Variants in GRID2IP observed in about 807,000 individuals in gnomAD.
GRID2IP encodes delphilin.
In GRID2IP, 78 loss-of-function variants were observed where a neutral mutation model predicts 114.3. That is an observed-to-expected ratio of 0.68 (90% CI 0.57 to 0.82). GRID2IP has a LOEUF of 0.82. GRID2IP is among the 40% of genes least tolerant of loss of function. The pLI, the probability that GRID2IP is intolerant of heterozygous loss-of-function variation, is 0.00. For missense variants in GRID2IP, 1,727 were observed against 1,678.5 expected (o/e 1.03, Z -0.51); for synonymous variants, 809 against 724.0 (o/e 1.12, Z -1.89).
chr7:6,510,932 C>T lies in GRID2IP; in HGVS notation c.1531G>A (p.Gly511Ser). The T allele has an allele frequency of 6.5e-7, 1 of 1,549,690 alleles. No individual in the cohort carries two copies. The highest frequency in any genetic ancestry group is 8.7e-7 in the Non-Finnish European group (1 of 1,145,974). The part of the protein sequence containing the change: ...SMCRRSLRSQ[G>S]LEAGLSCGPS... Reference sequence around the variant, plus strand: ...CCGCAGCTGAGGCCGGCCTCCAGGCCCTGGGACCGGAGGCTGCGGCGGCAC... The same window carrying T: ...CCGCAGCTGAGGCCGGCCTCCAGGCTCTGGGACCGGAGGCTGCGGCGGCAC... Residue 511 changes from glycine to serine, a missense_variant, in exon 9 of 22, where the codon GGC becomes AGC. Coordinates refer to ENST00000457091, the MANE Select transcript of GRID2IP (RefSeq NM_001145118.2).
rs554668110 is a variant in GRID2IP, at chr7:6,526,068, C to G, written c.919+156G>C. ...ATTCAGATCTGCTGGCTCTGGGACA[C>G]TCTGGGGACACGGTCTACACAAGGA... is the stretch of plus-strand genomic sequence containing the variant. On this transcript the variant is annotated intron_variant, in intron 4 of 21. Transcript: ENST00000457091. The surrounding 1 kb of genome is among the most constrained non-coding windows in gnomAD (Gnocchi z 7.6). Among the ~76,000 whole-genome samples the G allele has an allele frequency of 2.0e-5, 3 of 152,192 alleles. No individual in the cohort carries two copies. Among genetic ancestry groups the G allele is most frequent in the South Asian group, 4.1e-4 (2 of 4,822 alleles).
Position 6,506,976 on chromosome 7 carries a change from C to A in GRID2IP, c.2544+1009G>T, listed in dbSNP as rs747648682. 1.1e-4 allele frequency among the ~76,000 whole-genome samples: 16 copies of A among 152,152 alleles called. No homozygotes were observed. The highest frequency in any genetic ancestry group is 2.4e-4 in the Non-Finnish European group (16 of 68,036). ...GGGATTACAGGCGTGAACCACCAAG[C>A]CTGGCCTCAATGGGCATCTTTATTA... On this transcript the variant is annotated intron_variant, in intron 13 of 21. Coordinates refer to ENST00000457091, the MANE Select transcript of GRID2IP (RefSeq NM_001145118.2). The surrounding 1 kb of genome is among the most constrained non-coding windows in gnomAD (Gnocchi z 5.2).
chr7:6,508,885 AG>A lies in GRID2IP; in HGVS notation c.2127+72del. 6.7e-7 allele frequency: 1 copy of A among 1,493,166 alleles called. No individual in the cohort carries two copies. The highest frequency in any genetic ancestry group is 2.1e-5 in the Admixed American group (1 of 46,916). 92.5% of individuals were successfully genotyped at this position (1,493,166 alleles called of 1,614,324 possible). On this transcript the variant is annotated intron_variant, in intron 12 of 21. Coordinates refer to ENST00000457091, the MANE Select transcript of GRID2IP (RefSeq NM_001145118.2). This position sits in a 1 kb window ranked among gnomAD's most constrained non-coding sequence, Gnocchi z 5.6. ...GGCAGCAGGCCCCTTGCGGGAGCCC[AG>A]GAACACTGTTGCCTTGCAGACCGCC...
chr7:6,511,884 C>A (rs1276304801), intron 8 of GRID2IP, among the ~76,000 whole-genome samples: 1 of 151,820 alleles, frequency 6.6e-6, no homozygotes, highest in African/African-American at 2.4e-5. Flanking sequence ...CTCTTTCTCT[C>A]TTTTCTCTCT....
chr7:6,504,722 G>A (rs933402652), intron 15 of GRID2IP, 71 bp downstream of exon 15: 6 of 1,173,952 alleles, frequency 5.1e-6, no homozygotes, highest in Middle Eastern at 2.0e-4. Context: ...CATCCACCTG[G>A]GCAGGTCTGA....
In GRID2IP at chr7:6,526,494, C is replaced by T; in HGVS notation, c.833+27G>A. On this transcript the variant is annotated intron_variant, in intron 3 of 21. Coordinates refer to ENST00000457091, the MANE Select transcript of GRID2IP (RefSeq NM_001145118.2). This position sits in a 1 kb window ranked among gnomAD's most constrained non-coding sequence, Gnocchi z 7.6. ...GAGCCCACCCGCAGGGAGGCGCCCG[C>T]TGCCAGTGCCTGTGAGCCCCGCGTA... The T allele has an allele frequency of 1.5e-6, 2 of 1,368,060 alleles. No homozygotes were observed. Among genetic ancestry groups the T allele is most frequent in the Admixed American group, 3.1e-5 (1 of 32,226 alleles). 84.7% of individuals were successfully genotyped at this position (1,368,060 alleles called of 1,614,324 possible).
chr7:6,537,248 A>G (rs1779741290), intron 2 of GRID2IP, among the ~76,000 whole-genome samples: 1 of 151,956 alleles, frequency 6.6e-6, no homozygotes, highest in African/African-American at 2.4e-5. Flanking sequence ...CTTCTGACAA[A>G]TAAACTGAGA....
chr7:6,524,940 G>A (rs749918387), intron 4 of GRID2IP, among the ~76,000 whole-genome samples: 10 of 151,516 alleles, frequency 6.6e-5, no homozygotes, highest in Non-Finnish European at 1.5e-4. Flanking sequence ...GGATGGTCTC[G>A]ATCTCCTGAC....
chr7:6,526,597 G>T lies in GRID2IP; in HGVS notation c.757C>A (p.Arg253Ser). The change falls in exon 3 of 22, where the codon CGC (arginine) becomes AGC (serine). Residue 253 changes from arginine (R) to serine (S), a missense_variant. Coordinates refer to ENST00000457091, the MANE Select transcript of GRID2IP (RefSeq NM_001145118.2). The surrounding 1 kb of genome is among the most constrained non-coding windows in gnomAD (Gnocchi z 7.6). The part of the protein sequence containing the change: ...LVSTRASAPP[R>S]RPDEPPPRRA... ...CGCGGGGGCGGCTCATCGGGGCGGCGCGGCGGGGCGCTGGCGCGCGTGGAC... is the reference window on the plus strand; with the variant it reads ...CGCGGGGGCGGCTCATCGGGGCGGCTCGGCGGGGCGCTGGCGCGCGTGGAC... 4.2e-6 allele frequency: 5 copies of T among 1,191,298 alleles called. No individual in the cohort carries two copies. The highest frequency in any genetic ancestry group is 5.2e-6 in the Non-Finnish European group (5 of 962,890). 73.8% of individuals were successfully genotyped at this position (1,191,298 alleles called of 1,614,324 possible). A position where few individuals can be genotyped will look rare whatever the true frequency, so the allele number is the denominator to read the frequency against.
intron 7 of GRID2IP, among the ~76,000 whole-genome samples, 154 bp from the exon 8 acceptor site, chr7:6,514,683 G>A (rs1013724515): frequency 2.6e-5 from 4 of 152,120 alleles, no homozygotes; most frequent in Non-Finnish European, 5.9e-5. Context: ...CGGGCACAGT[G>A]GCTCACGCCT....
intron 2 of GRID2IP, among the ~76,000 whole-genome samples, chr7:6,529,959 CTCTTT>C (rs1374053960): frequency 1.4e-5 from 1 of 71,098 alleles, no homozygotes. Context: ...CTCTCTCTCT[CTCTTT>C]TTTTTTTTTT....
chr7:6,545,768 G>A (rs554492850), intron 1 of GRID2IP, among the ~76,000 whole-genome samples: 44 of 152,304 alleles, frequency 2.9e-4, no homozygotes, highest in African/African-American at 9.6e-4. Flanking sequence ...AAGCAGCCTT[G>A]CATTGCACTT....
Position 6,520,571 on chromosome 7 carries a change from C to T in GRID2IP, c.1268+7G>A, listed in dbSNP as rs768479293. 12 of 1,548,618 alleles carry T rather than the reference C, an allele frequency of 7.7e-6. No individual in the cohort carries two copies. The highest frequency in any genetic ancestry group is 5.9e-5 in the Admixed American group (3 of 50,922). On this transcript the variant is annotated splice_region_variant and intron_variant, in intron 7 of 21. Transcript: ENST00000457091. The surrounding 1 kb of genome is among the most constrained non-coding windows in gnomAD (Gnocchi z 4.6). ...GCAGGGCCCCACCGCGGCTTTGGCC[C>T]GGCCACCTGTGCTGGAAGAAGCTCT...
rs982719300 is a variant in GRID2IP at position 6,502,904 on chromosome 7, T to C, written c.3064-32A>G. On this transcript the variant is annotated intron_variant, in intron 17 of 21. Coordinates refer to ENST00000457091, the MANE Select transcript of GRID2IP (RefSeq NM_001145118.2). ...ACAAGAAGGTGGGTAGGTCCTGTCC[T>C]CACCCCACCACCCATCCACCCTGCT... is the stretch of plus-strand genomic sequence containing the variant. The C allele has an allele frequency of 1.7e-5, 26 of 1,538,832 alleles. No individual in the cohort carries two copies. The African/African-American group carries it at 2.9e-4, about 17-fold the overall frequency.
Position 6,497,260 on chromosome 7 carries a change from T to A in GRID2IP, c.*514A>T, listed in dbSNP as rs1242832794. Among the ~76,000 whole-genome samples the A allele has an allele frequency of 6.6e-6, 1 of 152,218 alleles. No individual in the cohort carries two copies. Among genetic ancestry groups the A allele is most frequent in the Admixed American group, 6.5e-5 (1 of 15,284 alleles). ...CGTCTCTCCCAGGCTTCTCTCTTCC[T>A]GTGTCCCTGAAGCCAGCTTCCAAGG... On this transcript the variant is annotated 3_prime_UTR_variant, in exon 22 of 22. Transcript: ENST00000457091.
At chr7:6,538,546 G>A (rs1203064669) in intron 2 of GRID2IP, among the ~76,000 whole-genome samples, 3 of 150,354 alleles carry the variant, frequency 2.0e-5, no homozygotes. Flanking sequence ...CTGCCTGGGC[G>A]ACAGAGCGAG....
Position 6,509,237 on chromosome 7 carries a change from C to G in GRID2IP, c.1848G>C (p.Ser616=). 6.6e-7 allele frequency: 1 copy of G among 1,518,374 alleles called. No individual in the cohort carries two copies. The highest frequency in any genetic ancestry group is 8.8e-7 in the Non-Finnish European group (1 of 1,130,774). The allele number at this position is 1,518,374 out of a possible 1,614,324, so 94.1% of individuals were successfully genotyped here. The change falls in exon 12 of 22, where the codon TCG becomes TCC. Residue 616 remains serine (S), a synonymous_variant. Transcript: ENST00000457091. This position sits in a 1 kb window ranked among gnomAD's most constrained non-coding sequence, Gnocchi z 4.9. ...AGCTGCTGGGGGAGGCCAGACCCCC[C>G]GAACACAGCGGGTGGTAGCAGGGGG... ...LPSPCYHPLC[S]GGLASPSSSE...
At chr7:6,517,924 AAAT>A (rs978874460) in intron 7 of GRID2IP, among the ~76,000 whole-genome samples, 7 of 151,414 alleles carry the variant, frequency 4.6e-5, no homozygotes, top group African/African-American at 1.7e-4. Context: ...ATAAATAAAT[AAAT>A]AAATAAAATA....
chr7:6,508,424 G>C lies in GRID2IP; in HGVS notation c.2128-23C>G. 6.4e-7 allele frequency: 1 copy of C among 1,550,754 alleles called. No homozygotes were observed. Among genetic ancestry groups the C allele is most frequent in the South Asian group, 1.2e-5 (1 of 84,028 alleles). On this transcript the variant is annotated intron_variant, in intron 12 of 21. Coordinates refer to ENST00000457091, the MANE Select transcript of GRID2IP (RefSeq NM_001145118.2). The surrounding 1 kb of genome is among the most constrained non-coding windows in gnomAD (Gnocchi z 5.6). ...CATCTGGTGGTGGGGAGAGAGGCAA[G>C]GGGAGGGTGAGGCTGGGCCCAGAGA...
Sources: allele counts gnomAD v4.1 joint callset (sites outside exome capture counted in the v4.1 genomes callset), GRCh38; gene constraint gnomAD v4.1.1; non-coding constraint Gnocchi (gnomAD v3.1); transcripts MANE v1.5; gene names NCBI Gene and HGNC (gene_info 2026-07-23, HGNC 2026-07-21).